Variants in SAE1 observed in about 807,000 individuals in gnomAD.
SAE1 encodes the protein SUMO-activating enzyme subunit 1.
Under a neutral mutation model 40.6 loss-of-function variants are expected in SAE1, and 11 were observed. That is an observed-to-expected ratio of 0.27 (90% CI 0.17 to 0.45). SAE1 has a LOEUF of 0.45. SAE1 is among the 20% of genes least tolerant of loss of function. The pLI is 1.00. For synonymous variants in SAE1, 155 were observed against 154.3 expected, an observed-to-expected ratio of 1.00 and a Z score of -0.03; for missense variants, 373 against 427.3, an observed-to-expected ratio of 0.87 and a Z score of 1.12.
intron 7 of SAE1, among the ~76,000 whole-genome samples, chr19:47,203,143 C>A (rs2058664753): frequency 6.6e-6 from 1 of 152,060 alleles, no homozygotes; most frequent in South Asian, 2.1e-4. Flanking sequence ...AAAATTTGTC[C>A]TCTAGATGCC....
chr19:47,150,957 C>G (rs983072265), intron 3 of SAE1, among the ~76,000 whole-genome samples: 3 of 152,128 alleles, frequency 2.0e-5, no homozygotes, highest in African/African-American at 4.8e-5. Context: ...ACTGCCAAAT[C>G]TATGCGGAGG....
At chr19:47,206,879 G>A (rs1249729615) in intron 8 of SAE1, among the ~76,000 whole-genome samples, 1 of 152,222 alleles carries the variant, frequency 6.6e-6, no homozygotes, top group Non-Finnish European at 1.5e-5. Flanking sequence ...TAGCAGGCAG[G>A]TGCTTTTTAT....
chr19:47,142,898 T>C (rs1376216737), intron 1 of SAE1, among the ~76,000 whole-genome samples: 3 of 152,214 alleles, frequency 2.0e-5, no homozygotes, highest in African/African-American at 4.8e-5. Context: ...TCACATATTA[T>C]GTATCTATTT....
intron 5 of SAE1, among the ~76,000 whole-genome samples, chr19:47,159,575 A>G (rs1216923196): frequency 1.3e-5 from 2 of 150,326 alleles, no homozygotes; most frequent in African/African-American, 4.9e-5. Flanking sequence ...TCTTTGAAGC[A>G]GGGTCTGACT....
At chr19:47,201,465 A>G (rs113578728) in intron 7 of SAE1, among the ~76,000 whole-genome samples, 1,536 of 105,514 alleles carry the variant, frequency 0.015, 26 homozygotes, top group African/African-American at 0.054. Flanking sequence ...TCTGCCTCCC[A>G]GCTTTAAGTG....
chr19:47,195,166 T>G (rs1290778238), intron 6 of SAE1, among the ~76,000 whole-genome samples: 1 of 151,358 alleles, frequency 6.6e-6, no homozygotes, highest in Non-Finnish European at 1.5e-5. Context: ...GCGATTCTCC[T>G]GCCTCAGCCT....
chr19:47,198,697 G>C (rs2058632591), intron 7 of SAE1, among the ~76,000 whole-genome samples: 1 of 152,094 alleles, frequency 6.6e-6, no homozygotes. Flanking sequence ...TTTCTTTGTT[G>C]ACTTCCTGCT....
At chr19:47,169,433 C>T (rs532153762) in intron 5 of SAE1, among the ~76,000 whole-genome samples, 28 of 151,962 alleles carry the variant, frequency 1.8e-4, no homozygotes, top group Admixed American at 3.9e-4. Context: ...TTTGTAGAGA[C>T]GGGGGTTTCA....
chr19:47,169,681 G>T, intron 5 of SAE1, 137 bp from the exon 6 acceptor site: 1 of 680,878 alleles, frequency 1.5e-6, no homozygotes, highest in Non-Finnish European at 2.6e-6. Context: ...GCATTTCTTG[G>T]ATCAAATGGC....
intron 5 of SAE1, among the ~76,000 whole-genome samples, chr19:47,166,135 G>A (rs1351751710): frequency 6.6e-6 from 1 of 152,202 alleles, no homozygotes; most frequent in East Asian, 1.9e-4. Flanking sequence ...TGCCTGTGCA[G>A]TGCAGGCCTT....
intron 1 of SAE1, among the ~76,000 whole-genome samples, chr19:47,137,494 A>G (rs984267869): frequency 2.6e-5 from 4 of 152,162 alleles, no homozygotes; most frequent in African/African-American, 9.7e-5. Flanking sequence ...GATAGTTGAC[A>G]ATTACAACTA....
rs1341872782 is a variant in SAE1 at position 47,197,341 on chromosome 19, G to A, written c.842G>A (p.Gly281Asp). ...CGAAATGATGTGCTTGACTCACTGGGTATTAGTCCTGACCTGCTTCCTGAG... is the reference window on the plus strand; with the variant it reads ...CGAAATGATGTGCTTGACTCACTGGATATTAGTCCTGACCTGCTTCCTGAG... ...QIRNDVLDSL[G>D]ISPDLLPEDF... The change falls in exon 7 of 9, where the codon GGT becomes GAT. Residue 281 changes from glycine to aspartate, a missense_variant. This residue lies in a region of SAE1 where 351 missense variants were observed against 390.6 expected (regional missense o/e 0.90). Transcript: ENST00000270225. 5 of 1,613,950 alleles carry A rather than the reference G, an allele frequency of 3.1e-6. No homozygotes were observed. Among genetic ancestry groups the A allele is most frequent in the African/African-American group, 2.7e-5 (2 of 74,892 alleles).
chr19:47,195,736 C>CTTTT (rs56268362), intron 6 of SAE1, among the ~76,000 whole-genome samples: 5 of 93,142 alleles, frequency 5.4e-5, no homozygotes, highest in African/African-American at 2.2e-4. Flanking sequence ...TTTTTTTCTT[C>CTTTT]TTTTTTTTTT....
At chr19:47,182,899 A>G (rs1329100765) in intron 6 of SAE1, among the ~76,000 whole-genome samples, 1 of 152,112 alleles carries the variant, frequency 6.6e-6, no homozygotes, top group Non-Finnish European at 1.5e-5. Context: ...CATGGGCAAC[A>G]TAGCAACACC....
chr19:47,196,332 G>GGTTTTTT (rs1568608690), intron 6 of SAE1, among the ~76,000 whole-genome samples: 3 of 76,324 alleles, frequency 3.9e-5, no homozygotes, highest in Non-Finnish European at 2.3e-5. Context: ...ACCGCGCCTG[G>GGTTTTTT]CTTTTTTTTT....
intron 6 of SAE1, among the ~76,000 whole-genome samples, chr19:47,173,326 A>G (rs905961712): frequency 6.6e-6 from 1 of 152,114 alleles, no homozygotes; most frequent in African/African-American, 2.4e-5. Flanking sequence ...ACCATGCACC[A>G]CTGCCTGCCA....
intron 6 of SAE1, among the ~76,000 whole-genome samples, chr19:47,193,852 AAAAG>A (rs1442046239): frequency 7.4e-6 from 1 of 135,908 alleles, no homozygotes; most frequent in Non-Finnish European, 1.5e-5. Context: ...AAAGAAAAGA[AAAAG>A]AAAAAGAAAT....
intron 6 of SAE1, among the ~76,000 whole-genome samples, chr19:47,195,418 TC>T (rs2058607460): frequency 6.6e-6 from 1 of 152,220 alleles, no homozygotes; most frequent in Non-Finnish European, 1.5e-5. Flanking sequence ...GTTGGGGTCT[TC>T]TTACACAGTA....
chr19:47,184,086 G>T (rs903823699), intron 6 of SAE1, among the ~76,000 whole-genome samples: 3 of 152,104 alleles, frequency 2.0e-5, no homozygotes, highest in Non-Finnish European at 2.9e-5. Context: ...AAAGGTGAGA[G>T]TCAAGCTCTG....
Sources: gnomAD v4.1 joint callset for allele counts (sites outside exome capture counted in the v4.1 genomes callset) on GRCh38, gnomAD v4.1.1 for gene constraint, gnomAD v4.1.1 regional missense constraint, MANE v1.5 for transcripts, NCBI Gene and HGNC (gene_info 2026-07-23, HGNC 2026-07-21) for gene names.